RBPMS2: variants seen among roughly 807,000 people sequenced by gnomAD.
The protein encoded by RBPMS2 is RNA binding protein, mRNA processing factor 2.
A neutral mutation model predicts 25.7 loss-of-function variants in RBPMS2; 14 were observed. That is an observed-to-expected ratio of 0.55 (90% CI 0.36 to 0.85). The LOEUF is 0.85. Ranked by LOEUF, RBPMS2 falls within the 40% of genes least tolerant of loss-of-function variation. The pLI is 0.01. For synonymous variants in RBPMS2, 127 were observed against 115.6 expected, an observed-to-expected ratio of 1.10 and a Z score of -0.63; for missense variants, 252 against 283.4, an observed-to-expected ratio of 0.89 and a Z score of 0.80.
chr15:64,769,219 T>C (rs2083873796), intron 1 of RBPMS2, among the ~76,000 whole-genome samples: 1 of 151,388 alleles, frequency 6.6e-6, no homozygotes, highest in Non-Finnish European at 1.5e-5. Flanking sequence ...TCCCAGCACT[T>C]TGGGAGGCCG....
intron 1 of RBPMS2, among the ~76,000 whole-genome samples, chr15:64,754,391 C>G (rs2083712420): frequency 6.6e-6 from 1 of 152,120 alleles, no homozygotes; most frequent in Non-Finnish European, 1.5e-5. Context: ...GTGGGTGGAT[C>G]ACTTGAGGTT....
intron 2 of RBPMS2, among the ~76,000 whole-genome samples, chr15:64,750,953 G>A (rs1466644821): frequency 1.3e-5 from 2 of 152,018 alleles, no homozygotes; most frequent in Non-Finnish European, 2.9e-5. Context: ...CAGGAGAATC[G>A]CCTGAACCCA....
In RBPMS2 at chr15:64,740,452, G is replaced by A. The variant is rs1020314477; in HGVS notation, c.*556C>T. On this transcript the variant is annotated 3_prime_UTR_variant, in exon 8 of 8. Transcript: ENST00000300069. ...GCAAACCCCATCTATCTGTTGGGTG[G>A]AGGTGGGAGCTGAGCCTGGAAGCGT... The A allele has an allele frequency of 6.6e-6, 1 of 152,210 alleles. No individual in the cohort carries two copies. The highest frequency in any genetic ancestry group is 2.4e-5 in the African/African-American group (1 of 41,346). 9.4% of individuals were successfully genotyped at this position (152,210 alleles called of 1,614,324 possible).
chr15:64,761,869 C>T (rs1254288679), intron 1 of RBPMS2, among the ~76,000 whole-genome samples: 2 of 151,876 alleles, frequency 1.3e-5, no homozygotes, highest in Admixed American at 6.6e-5. Flanking sequence ...CCACCATGCC[C>T]GACAATTTTT....
intron 1 of RBPMS2, among the ~76,000 whole-genome samples, chr15:64,771,405 G>A (rs1021559115): frequency 3.3e-5 from 5 of 152,266 alleles, no homozygotes; most frequent in South Asian, 2.1e-4. Flanking sequence ...TGCACAGGCC[G>A]GGCACGGTGG....
chr15:64,758,772 G>A (rs1189511407), intron 1 of RBPMS2, among the ~76,000 whole-genome samples: 4 of 152,078 alleles, frequency 2.6e-5, no homozygotes, highest in African/African-American at 9.7e-5. Context: ...GGACCCCACA[G>A]GCTATCACTT....
chr15:64,756,516 CAA>C (rs771497391), intron 1 of RBPMS2, among the ~76,000 whole-genome samples: 30 of 121,928 alleles, frequency 2.5e-4, no homozygotes, highest in Admixed American at 3.3e-4. Flanking sequence ...GACCCTGTCT[CAA>C]AAAAAAAAAA....
chr15:64,748,894 G>A lies in RBPMS2; in HGVS notation c.418+106C>T, dbSNP rs77483159. ...CCAGGTGTTTCAAAAATGGGTGGCC[G>A]TGGACACAAAAAGCCTCCTGGAAAA... On this transcript the variant is annotated intron_variant, in intron 5 of 7. Coordinates refer to ENST00000300069, the MANE Select transcript of RBPMS2 (RefSeq NM_194272.3). 6.7e-4 allele frequency: 891 copies of A among 1,321,518 alleles called. 2 individuals carry two copies. The African/African-American group carries it at 0.012, about 17-fold the overall frequency. 81.9% of individuals were successfully genotyped at this position (1,321,518 alleles called of 1,614,324 possible).
At chr15:64,760,803 G>GA (rs778747592) in intron 1 of RBPMS2, among the ~76,000 whole-genome samples, 2,880 of 139,000 alleles carry the variant, frequency 0.021, 21 homozygotes, top group African/African-American at 0.024. Flanking sequence ...ACTCCATCTC[G>GA]AAAAAAAAAA....
intron 1 of RBPMS2, among the ~76,000 whole-genome samples, chr15:64,761,726 G>A (rs1425703680): frequency 9.4e-6 from 1 of 106,584 alleles, no homozygotes; most frequent in African/African-American, 3.4e-5. Flanking sequence ...TTTTTGAGAC[G>A]GAGTCTCACT....
chr15:64,771,978 C>G (rs180709046), intron 1 of RBPMS2, among the ~76,000 whole-genome samples: 1 of 152,094 alleles, frequency 6.6e-6, no homozygotes. Context: ...AAAAAAATAA[C>G]CTATGCACAT....
At chr15:64,774,722 G>T (rs974902397) in intron 1 of RBPMS2, among the ~76,000 whole-genome samples, 1 of 49,220 alleles carries the variant, frequency 2.0e-5, no homozygotes, top group East Asian at 1.1e-3. Context: ...ACAGCTCGCA[G>T]GAACCGAGGA....
intron 1 of RBPMS2, among the ~76,000 whole-genome samples, chr15:64,770,095 C>T (rs868785285): frequency 1.6e-4 from 24 of 152,094 alleles, no homozygotes; most frequent in African/African-American, 5.8e-4. Flanking sequence ...AGGATAATCG[C>T]TTGAACCTGG....
At chr15:64,766,646 C>G (rs1355412208) in intron 1 of RBPMS2, among the ~76,000 whole-genome samples, 1 of 152,038 alleles carries the variant, frequency 6.6e-6, no homozygotes, top group African/African-American at 2.4e-5. Context: ...CTGCCTCAAC[C>G]TCCCTAGTAG....
intron 6 of RBPMS2, among the ~76,000 whole-genome samples, chr15:64,744,807 T>TTTTTG (rs2083602477): frequency 6.7e-5 from 6 of 89,230 alleles, no homozygotes; most frequent in African/African-American, 2.9e-4. Flanking sequence ...TGTTTTTTTT[T>TTTTTG]TTTTTTTTTT....
intron 1 of RBPMS2, among the ~76,000 whole-genome samples, chr15:64,754,321 G>GA (rs1426329976): frequency 1.3e-5 from 2 of 148,360 alleles, no homozygotes; most frequent in Non-Finnish European, 3.0e-5. Flanking sequence ...CAGAAAAAAA[G>GA]AAAAAAAAGG....
intron 1 of RBPMS2, among the ~76,000 whole-genome samples, chr15:64,766,664 T>C (rs1328501781): frequency 3.3e-5 from 5 of 151,970 alleles, no homozygotes; most frequent in Admixed American, 3.3e-4. Context: ...TAGCTGGGAC[T>C]ACAGGCGCCT....
intron 3 of RBPMS2, 129 bp from the exon 4 acceptor site, chr15:64,749,622 GA>G (rs1018614296): frequency 2.2e-5 from 17 of 774,076 alleles, no homozygotes; most frequent in East Asian, 2.9e-5. Context: ...AATACAAAAG[GA>G]AAAAAAGCCC....
intron 1 of RBPMS2, among the ~76,000 whole-genome samples, chr15:64,765,099 C>CG (rs2083832203): frequency 2.0e-5 from 3 of 151,518 alleles, no homozygotes; most frequent in Admixed American, 1.3e-4. Flanking sequence ...TGGTGGCGTG[C>CG]GCCTGTAATC....
Sources: gnomAD v4.1 joint callset for allele counts (sites outside exome capture counted in the v4.1 genomes callset) on GRCh38, gnomAD v4.1.1 for gene constraint, MANE v1.5 for transcripts, NCBI Gene and HGNC (gene_info 2026-07-23, HGNC 2026-07-21) for gene names.